CRPPA: variants seen among roughly 807,000 people sequenced by gnomAD.
CRPPA encodes the protein D-ribitol-5-phosphate cytidylyltransferase.
In CRPPA, 43 loss-of-function variants were observed where a neutral mutation model predicts 52.0. The observed-to-expected ratio is 0.83, with a 90% CI of 0.65 to 1.07. CRPPA has a LOEUF of 1.07. Among genes scored for constraint, CRPPA ranks in the 50% least tolerant of loss-of-function variants. The pLI, the probability that CRPPA is intolerant of heterozygous loss-of-function variation, is 0.00. For missense variants in CRPPA, 629 were observed against 551.7 expected, an observed-to-expected ratio of 1.14 and a Z score of -1.40; for synonymous variants, 250 against 203.5, an observed-to-expected ratio of 1.23 and a Z score of -1.94.
At chr7:16,335,140 G>A (rs1254601637) in intron 3 of CRPPA, among the ~76,000 whole-genome samples, 2 of 63,294 alleles carry the variant, frequency 3.2e-5, no homozygotes, top group Non-Finnish European at 5.7e-5. Context: ...GCAACATAAA[G>A]AGACCCATCT....
intron 3 of CRPPA, among the ~76,000 whole-genome samples, chr7:16,342,125 A>G (rs956870910): frequency 2.0e-5 from 3 of 152,182 alleles, no homozygotes; most frequent in African/African-American, 7.2e-5. Flanking sequence ...CATAACATCT[A>G]GGTATTAATA....
chr7:16,182,241 T>C (rs961882939), intron 9 of CRPPA, among the ~76,000 whole-genome samples: 1 of 151,890 alleles, frequency 6.6e-6, no homozygotes, highest in Non-Finnish European at 1.5e-5. Flanking sequence ...CTATATCAAC[T>C]ATTATATAAT....
At chr7:16,120,506 G>A (rs1481058111) in intron 9 of CRPPA, among the ~76,000 whole-genome samples, 2 of 152,088 alleles carry the variant, frequency 1.3e-5, no homozygotes, top group Admixed American at 6.5e-5. Flanking sequence ...TTTATGGTAG[G>A]CTTTTAGAAT....
At position 16,293,541 on chromosome 7, in the gene CRPPA, T is replaced by C. The variant is rs140586977; in HGVS notation, c.835+7880A>G. On this transcript the variant is annotated intron_variant, in intron 5 of 9. Coordinates refer to ENST00000407010, the MANE Select transcript of CRPPA (RefSeq NM_001101426.4). Reference sequence around the variant, plus strand: ...CAAGGTTTGTCTGAACACCTTGCAATAGGAAGCTATTAGACTAGGAAAAGG... The same window carrying C: ...CAAGGTTTGTCTGAACACCTTGCAACAGGAAGCTATTAGACTAGGAAAAGG... Among the ~76,000 whole-genome samples, 85 of 151,976 alleles carry C rather than the reference T, an allele frequency of 5.6e-4. No homozygotes were observed. In the East Asian group the frequency reaches 0.013, roughly 23 times the overall value.
chr7:16,329,921 A>C (rs1200799548), intron 3 of CRPPA, among the ~76,000 whole-genome samples: 1 of 152,232 alleles, frequency 6.6e-6, no homozygotes, highest in African/African-American at 2.4e-5. Flanking sequence ...ATTAGGCCAC[A>C]TAATATTGAT....
At chr7:16,127,520 G>C (rs755699166) in intron 9 of CRPPA, among the ~76,000 whole-genome samples, 27 of 152,040 alleles carry the variant, frequency 1.8e-4, no homozygotes, top group Non-Finnish European at 2.8e-4. Context: ...CCTATGTAAA[G>C]AGAATAACCT....
At chr7:16,148,999 A>T (rs988778601) in intron 9 of CRPPA, among the ~76,000 whole-genome samples, 1 of 152,174 alleles carries the variant, frequency 6.6e-6, no homozygotes, top group Non-Finnish European at 1.5e-5. Flanking sequence ...CTTACAAAAA[A>T]TATGTTTTCT....
intron 6 of CRPPA, among the ~76,000 whole-genome samples, chr7:16,273,632 C>A (rs1463063129): frequency 6.6e-6 from 1 of 152,112 alleles, no homozygotes. Context: ...TTAACTGATG[C>A]AGCCTGATTC....
At chr7:16,419,517 T>TTA (rs141435976) in intron 1 of CRPPA, among the ~76,000 whole-genome samples, 13,798 of 152,216 alleles carry the variant, frequency 0.091, 843 homozygotes, top group South Asian at 0.25. Flanking sequence ...AGATTAGAAA[T>TTA]TACAGTTTAG....
chr7:16,174,124 C>G (rs900208485), intron 9 of CRPPA, among the ~76,000 whole-genome samples: 2 of 152,074 alleles, frequency 1.3e-5, no homozygotes, highest in Non-Finnish European at 2.9e-5. Context: ...AGAAGCCAGA[C>G]CAAAAAGGCC....
chr7:16,113,883 A>G (rs986948164), intron 9 of CRPPA, among the ~76,000 whole-genome samples: 4 of 152,104 alleles, frequency 2.6e-5, no homozygotes, highest in Non-Finnish European at 5.9e-5. Flanking sequence ...GCAGGAAGGC[A>G]TGGAAAATTT....
At chr7:16,300,994 C>T (rs1784779275) in intron 5 of CRPPA, among the ~76,000 whole-genome samples, 1 of 152,148 alleles carries the variant, frequency 6.6e-6, no homozygotes, top group Non-Finnish European at 1.5e-5. Flanking sequence ...ATCACCCTGT[C>T]CAGCCTAATT....
chr7:16,302,605 C>G (rs1223903350), intron 4 of CRPPA, among the ~76,000 whole-genome samples: 1 of 151,986 alleles, frequency 6.6e-6, no homozygotes, highest in Non-Finnish European at 1.5e-5. Flanking sequence ...AAATTCCTAC[C>G]ATATTATTAC....
intron 8 of CRPPA, among the ~76,000 whole-genome samples, chr7:16,243,097 G>T (rs537955193): frequency 1.1e-4 from 17 of 152,276 alleles, no homozygotes; most frequent in African/African-American, 3.1e-4. Context: ...TGTGTCAAGG[G>T]AGGGAGGCAA....
At chr7:16,167,481 C>T (rs1781091944) in intron 9 of CRPPA, among the ~76,000 whole-genome samples, 2 of 152,128 alleles carry the variant, frequency 1.3e-5, no homozygotes, top group African/African-American at 4.8e-5. Flanking sequence ...CCAGGTTTTC[C>T]GAGATGGTCT....
At chr7:16,218,015 G>A (rs1410230987) in intron 8 of CRPPA, among the ~76,000 whole-genome samples, 2 of 151,342 alleles carry the variant, frequency 1.3e-5, no homozygotes, top group East Asian at 3.9e-4. Flanking sequence ...TGAAATGAAG[G>A]AAAAAATGTT....
At chr7:16,132,144 G>A (rs1440634286) in intron 9 of CRPPA, among the ~76,000 whole-genome samples, 2 of 127,862 alleles carry the variant, frequency 1.6e-5, no homozygotes, top group Non-Finnish European at 3.6e-5. Context: ...AAAGAATATG[G>A]AACCAAAGAG....
chr7:16,385,778 A>ACCC (rs140981203), intron 2 of CRPPA, among the ~76,000 whole-genome samples: 2 of 152,064 alleles, frequency 1.3e-5, no homozygotes, highest in African/African-American at 2.4e-5. Flanking sequence ...GAGTTCCCTG[A>ACCC]CCCCCCCTCA....
Position 16,211,468 on chromosome 7 carries a change from G to A in CRPPA, c.1251+4598C>T, listed in dbSNP as rs188807977. ...GTTTGGTACGTCTGCCATATGATTC[G>A]GTGCCATGGAAAGTTTTGTGTGTTT... On this transcript the variant is annotated intron_variant, in intron 9 of 9. Transcript: ENST00000407010. Among the ~76,000 whole-genome samples, 9 of 152,158 alleles carry A rather than the reference G, an allele frequency of 5.9e-5. 1 individual carries two copies. The highest frequency in any genetic ancestry group is 4.1e-4 in the South Asian group (2 of 4,828).
Sources: allele counts gnomAD v4.1 joint callset (sites outside exome capture counted in the v4.1 genomes callset), GRCh38; gene constraint gnomAD v4.1.1; transcripts MANE v1.5; gene names NCBI Gene and HGNC (gene_info 2026-07-23, HGNC 2026-07-21).